The following USP32 variants were observed in gnomAD, a reference collection of about 807,000 sequenced individuals.
The protein encoded by USP32 is ubiquitin carboxyl-terminal hydrolase 32.
USP32 carries 59 observed loss-of-function variants against 204.8 expected under a neutral mutation model. The observed-to-expected ratio is 0.29, with a 90% confidence interval of 0.23 to 0.36. USP32 has a LOEUF of 0.36. Among genes scored for constraint, USP32 ranks in the 10% least tolerant of loss-of-function variants. USP32 has a pLI of 1.00. For synonymous variants in USP32, 517 were observed against 678.4 expected, an observed-to-expected ratio of 0.76 and a Z score of 3.70; for missense variants, 1,160 against 1,946.4, an observed-to-expected ratio of 0.60 and a Z score of 7.60.
At chr17:60,228,015 A>G (rs2085441060) in intron 12 of USP32, among the ~76,000 whole-genome samples, 1 of 152,054 alleles carries the variant, frequency 6.6e-6, no homozygotes, top group Non-Finnish European at 1.5e-5. Flanking sequence ...ATGGTTCACC[A>G]AAGTAGTCAA....
At chr17:60,300,212 C>T (rs1046171579) in intron 3 of USP32, among the ~76,000 whole-genome samples, 5 of 152,150 alleles carry the variant, frequency 3.3e-5, no homozygotes, top group African/African-American at 7.2e-5. Context: ...TGCCATACTT[C>T]CCCTGGGAAA....
rs1024015584 is a variant in USP32 at position 60,257,796 on chromosome 17, G to GT, written c.991-2539dup. On this transcript the variant is annotated intron_variant, in intron 9 of 33. Transcript: ENST00000300896. The stretch of plus-strand genomic sequence containing the variant: ...CCACCACACAGGCCAGCTTTTTGGT[G>GT]TTTTTTTTTTCCTTCAATCTGCTAT... Among the ~76,000 whole-genome samples, 767 of 149,086 alleles carry GT rather than the reference G, an allele frequency of 5.1e-3. 2 individuals are homozygous for GT. Among genetic ancestry groups the GT allele is most frequent in the Admixed American group, 7.4e-3 (110 of 14,888 alleles).
At chr17:60,200,375 A>G (rs2084645496) in intron 26 of USP32, among the ~76,000 whole-genome samples, 2 of 152,046 alleles carry the variant, frequency 1.3e-5, no homozygotes, top group African/African-American at 4.8e-5. Context: ...AGCCTGACCA[A>G]CATAGAGAAA....
chr17:60,242,616 G>C (rs1455625182), intron 11 of USP32, among the ~76,000 whole-genome samples: 1 of 151,990 alleles, frequency 6.6e-6, no homozygotes, highest in Non-Finnish European at 1.5e-5. Flanking sequence ...TCGCCATGTT[G>C]GCCAGGCTGA....
At chr17:60,342,447 C>T (rs2088683272) in intron 2 of USP32, among the ~76,000 whole-genome samples, 1 of 152,256 alleles carries the variant, frequency 6.6e-6, no homozygotes, top group Non-Finnish European at 1.5e-5. Context: ...GGGAGAGCCA[C>T]TGCTCTCTTC....
At chr17:60,219,534 C>T in intron 16 of USP32, 136 bp downstream of exon 16, 4 of 1,301,336 alleles carry the variant, frequency 3.1e-6, no homozygotes, top group South Asian at 2.9e-5. Context: ...TACAGTGGCA[C>T]CAGACTTCGA....
At chr17:60,220,653 T>C (rs2085220440) in intron 15 of USP32, among the ~76,000 whole-genome samples, 1 of 152,106 alleles carries the variant, frequency 6.6e-6, no homozygotes, top group African/African-American at 2.4e-5. Flanking sequence ...ACTCCTTTTT[T>C]TTTTTTTTGA....
intron 1 of USP32, among the ~76,000 whole-genome samples, chr17:60,399,840 GCCAGCAAGGAAGCA>G (rs1336342833): frequency 2.6e-5 from 4 of 152,194 alleles, no homozygotes. Context: ...AGCTCTAAGG[GCCAGCAAGGAAGCA>G]AGTGTGCCTG....
chr17:60,329,024 C>T lies in USP32; in HGVS notation c.186+16457G>A, dbSNP rs371320019. Among the ~76,000 whole-genome samples, 3 of 152,178 alleles carry T rather than the reference C, an allele frequency of 2.0e-5. No homozygotes were observed. In the East Asian group the frequency reaches 5.8e-4, roughly 29 times the overall value. On this transcript the variant is annotated intron_variant, in intron 2 of 33. Coordinates refer to ENST00000300896, the MANE Select transcript of USP32 (RefSeq NM_032582.4). ...CCAGGCCAAGTGGATGGAAAAAGCC[C>T]AGCGGGCCCAGACAAAGGCGCCACC...
At chr17:60,384,654 G>A (rs533130098) in intron 1 of USP32, among the ~76,000 whole-genome samples, 4 of 152,130 alleles carry the variant, frequency 2.6e-5, no homozygotes, top group Non-Finnish European at 5.9e-5. Context: ...AGTCGGGCAT[G>A]GTGGCACCGT....
At position 60,388,091 on chromosome 17, in the gene USP32, TCTG is replaced by T. The variant is rs891711383; in HGVS notation, c.58+3788_58+3790del. On this transcript the variant is annotated intron_variant, in intron 1 of 33. Coordinates refer to ENST00000300896, the MANE Select transcript of USP32 (RefSeq NM_032582.4). ...ATTCATACCCAGCCTTCAGTAAAAATCTGCTGAATTAATGAGCAAAAGGACATT... is the reference window on the plus strand; with the variant it reads ...ATTCATACCCAGCCTTCAGTAAAAATCTGAATTAATGAGCAAAAGGACATT... 9.1e-4 allele frequency among the ~76,000 whole-genome samples: 138 copies of T among 152,190 alleles called. 1 individual carries two copies. Among genetic ancestry groups the T allele is most frequent in the African/African-American group, 3.2e-3 (134 of 41,528 alleles).
intron 2 of USP32, among the ~76,000 whole-genome samples, chr17:60,334,784 T>C (rs898078815): frequency 2.1e-5 from 3 of 143,276 alleles, no homozygotes; most frequent in Non-Finnish European, 4.4e-5. Context: ...ACCTGCGCTA[T>C]TCAAATCCAT....
At chr17:60,223,135 G>GA (rs1029519137) in intron 14 of USP32, among the ~76,000 whole-genome samples, 11 of 151,230 alleles carry the variant, frequency 7.3e-5, no homozygotes, top group African/African-American at 2.2e-4. Flanking sequence ...TACTAGTTTG[G>GA]AAAAAAAAAT....
chr17:60,183,534 C>T, intron 30 of USP32, 81 bp from the exon 31 acceptor site: 1 of 1,468,700 alleles, frequency 6.8e-7, no homozygotes, highest in Non-Finnish European at 9.2e-7. Flanking sequence ...AAGTCAAATA[C>T]ATGTGAATGT....
At position 60,392,082 on chromosome 17, in the gene USP32, C is replaced by G. The variant is rs1251237490; in HGVS notation, c.-143G>C. ...CCCCCCACACTAACAAGTGCGGCTT[C>G]TGCCCCGGCGGCTCCTCCCGGTCGC... On this transcript the variant is annotated 5_prime_UTR_variant, in exon 1 of 34. Transcript: ENST00000300896. The G allele has an allele frequency of 2.2e-6, 2 of 930,158 alleles. No homozygotes were observed. Among genetic ancestry groups the G allele is most frequent in the Non-Finnish European group, 1.5e-6 (1 of 649,298 alleles). The allele number at this position is 930,158 out of a possible 1,614,324, so 57.6% of individuals were successfully genotyped here.
chr17:60,298,394 A>T (rs1312544814), intron 3 of USP32, among the ~76,000 whole-genome samples: 2 of 152,100 alleles, frequency 1.3e-5, no homozygotes, highest in Admixed American at 1.3e-4. Context: ...TTCTTTTCCA[A>T]ATTTATAGAT....
intron 31 of USP32, 87 bp downstream of exon 31, chr17:60,183,078 C>A: frequency 1.3e-6 from 2 of 1,489,696 alleles, no homozygotes; most frequent in South Asian, 1.4e-5. Context: ...ACCCAACCAA[C>A]CTGATGTTCC....
At position 60,207,254 on chromosome 17, in the gene USP32, T is replaced by C. The variant is rs186646910; in HGVS notation, c.2926-122A>G. On this transcript the variant is annotated intron_variant, in intron 24 of 33. Coordinates refer to ENST00000300896, the MANE Select transcript of USP32 (RefSeq NM_032582.4). Reference sequence around the variant, plus strand: ...TTCATCCGTAAAACCAACGAGATGATTGAATAATTTTTCAACTACATAAAG... The same window carrying C: ...TTCATCCGTAAAACCAACGAGATGACTGAATAATTTTTCAACTACATAAAG... The C allele has an allele frequency of 4.2e-4, 595 of 1,411,274 alleles. 5 individuals are homozygous for C. In the African/African-American group the frequency reaches 7.5e-3, roughly 18 times the overall value. 87.4% of individuals were successfully genotyped at this position (1,411,274 alleles called of 1,614,324 possible). A position where few individuals can be genotyped will look rare whatever the true frequency, so the allele number is the denominator to read the frequency against.
intron 5 of USP32, among the ~76,000 whole-genome samples, chr17:60,272,075 A>T (rs1241743012): frequency 6.6e-6 from 1 of 152,152 alleles, no homozygotes; most frequent in Non-Finnish European, 1.5e-5. Flanking sequence ...TCTGCTTCCC[A>T]AAGTGTTGGG....
Sources: gnomAD v4.1 joint callset for allele counts (sites outside exome capture counted in the v4.1 genomes callset) on GRCh38, gnomAD v4.1.1 for gene constraint, MANE v1.5 for transcripts, NCBI Gene and HGNC (gene_info 2026-07-23, HGNC 2026-07-21) for gene names.